NELL1: variants seen among roughly 807,000 people sequenced by gnomAD.
The protein encoded by NELL1 is protein kinase C-binding protein NELL1.
In NELL1, 76 loss-of-function variants were observed where a neutral mutation model predicts 107.4. The observed-to-expected ratio is 0.71, with a 90% CI of 0.59 to 0.86. The LOEUF is 0.86. NELL1 is among the 40% of genes least tolerant of loss of function. NELL1 has a pLI of 0.00. For synonymous variants in NELL1, 353 were observed against 341.2 expected (o/e 1.03, Z -0.38); for missense variants, 1,024 against 1,005.5 (o/e 1.02, Z -0.25).
intron 12 of NELL1, among the ~76,000 whole-genome samples, chr11:21,025,818 A>G (rs559020220): frequency 1.2e-4 from 19 of 152,148 alleles, no homozygotes; most frequent in Non-Finnish European, 2.4e-4. Flanking sequence ...TCCCAAAATG[A>G]GCTCCAGTTA....
chr11:20,940,172 C>G (rs1850818495), intron 10 of NELL1, among the ~76,000 whole-genome samples: 1 of 151,892 alleles, frequency 6.6e-6, no homozygotes, highest in South Asian at 2.1e-4. Context: ...TCTCTCCCTC[C>G]CTTCCTCCCT....
intron 15 of NELL1, among the ~76,000 whole-genome samples, chr11:21,400,950 A>G (rs1321482667): frequency 6.6e-6 from 1 of 151,918 alleles, no homozygotes; most frequent in Non-Finnish European, 1.5e-5. Context: ...GGCCTGTGTC[A>G]GTTACACAGA....
chr11:20,677,914 C>A lies in NELL1; in HGVS notation c.56-18C>A. ...CAGTCTGCATTTTAAGCCCAAACAA[C>A]TCTTTGTTCCTTTCCAGTGGTGGGC... On this transcript the variant is annotated intron_variant, in intron 1 of 19. Coordinates refer to ENST00000357134, the MANE Select transcript of NELL1 (RefSeq NM_006157.5). 6.2e-7 allele frequency: 1 copy of A among 1,613,688 alleles called. No homozygotes were observed. The highest frequency in any genetic ancestry group is 8.5e-7 in the Non-Finnish European group (1 of 1,179,630).
intron 15 of NELL1, among the ~76,000 whole-genome samples, chr11:21,449,362 A>G (rs1853522153): frequency 6.6e-6 from 1 of 152,154 alleles, no homozygotes; most frequent in African/African-American, 2.4e-5. Context: ...CCATATGTCT[A>G]ATATTATAAA....
At chr11:20,763,917 A>G (rs539717927) in intron 2 of NELL1, among the ~76,000 whole-genome samples, 1 of 152,322 alleles carries the variant, frequency 6.6e-6, no homozygotes, top group South Asian at 2.1e-4. Flanking sequence ...CCAGGTGCAT[A>G]GGGGGCCAGC....
In NELL1 at chr11:20,786,791, A is replaced by G. The variant is rs147262255; in HGVS notation, c.335+2961A>G. ...TGGGAGGCCAAGGTGGGCATATCAC[A>G]AGGTCAGGAGATCGAGACCATCCTG... On this transcript the variant is annotated intron_variant, in intron 3 of 19. Transcript: ENST00000357134. Among the ~76,000 whole-genome samples, 1,430 of 151,856 alleles carry G rather than the reference A, an allele frequency of 9.4e-3. 12 individuals carry two copies. The highest frequency in any genetic ancestry group is 0.036 in the East Asian group (183 of 5,108).
chr11:20,993,914 A>T (rs1852034101), intron 12 of NELL1, among the ~76,000 whole-genome samples: 1 of 150,912 alleles, frequency 6.6e-6, no homozygotes, highest in African/African-American at 2.4e-5. Context: ...AAAAAAAATC[A>T]GTACGAATCA....
chr11:21,110,279 C>G (rs1333691502), intron 12 of NELL1, among the ~76,000 whole-genome samples: 2 of 152,138 alleles, frequency 1.3e-5, no homozygotes, highest in African/African-American at 2.4e-5. Flanking sequence ...TACTCAAAAA[C>G]ACATCAGCAG....
At chr11:21,075,344 A>G (rs1854109446) in intron 12 of NELL1, among the ~76,000 whole-genome samples, 1 of 152,090 alleles carries the variant, frequency 6.6e-6, no homozygotes, top group African/African-American at 2.4e-5. Flanking sequence ...AAGTACATAT[A>G]TTGCTACACT....
chr11:21,305,262 C>G (rs1304579948), intron 14 of NELL1, among the ~76,000 whole-genome samples: 1 of 151,984 alleles, frequency 6.6e-6, no homozygotes, highest in Non-Finnish European at 1.5e-5. Context: ...ATATTGTACT[C>G]TGAGCTCAGT....
At chr11:21,267,999 T>TA (rs573794746) in intron 14 of NELL1, among the ~76,000 whole-genome samples, 20 of 152,178 alleles carry the variant, frequency 1.3e-4, no homozygotes, top group Non-Finnish European at 2.1e-4. Context: ...GTCTTGTTTT[T>TA]AATCTATTTA....
chr11:21,390,096 T>C (rs1051746962), intron 15 of NELL1, among the ~76,000 whole-genome samples: 1 of 151,804 alleles, frequency 6.6e-6, no homozygotes, highest in African/African-American at 2.4e-5. Flanking sequence ...ATTTTAGCCA[T>C]ACTGGTAGTG....
chr11:20,917,713 A>G (rs570699663), intron 5 of NELL1, among the ~76,000 whole-genome samples: 1 of 152,084 alleles, frequency 6.6e-6, no homozygotes, highest in Admixed American at 6.6e-5. Context: ...ATGTTACTCA[A>G]TTAGTTGAAG....
intron 13 of NELL1, among the ~76,000 whole-genome samples, chr11:21,225,863 C>A (rs146615512): frequency 1.3e-5 from 2 of 152,174 alleles, no homozygotes; most frequent in African/African-American, 2.4e-5. Flanking sequence ...TAATTTAATT[C>A]TCAAAACAAT....
At chr11:20,874,841 G>T (rs1238142075) in intron 4 of NELL1, among the ~76,000 whole-genome samples, 1 of 152,186 alleles carries the variant, frequency 6.6e-6, no homozygotes, top group Non-Finnish European at 1.5e-5. Flanking sequence ...CACAGAGCAA[G>T]TTCAATTCCT....
chr11:20,809,648 T>C (rs549681174), intron 3 of NELL1, among the ~76,000 whole-genome samples: 5 of 152,330 alleles, frequency 3.3e-5, no homozygotes, highest in African/African-American at 1.2e-4. Flanking sequence ...ACCAGGCTTA[T>C]TTCACTTAAT....
intron 3 of NELL1, among the ~76,000 whole-genome samples, chr11:20,845,030 G>A (rs1195903812): frequency 6.6e-6 from 1 of 152,196 alleles, no homozygotes; most frequent in African/African-American, 2.4e-5. Context: ...CCTCATGAAA[G>A]AATTTTATCC....
chr11:20,799,197 G>A (rs1857233073), intron 3 of NELL1, among the ~76,000 whole-genome samples: 1 of 152,222 alleles, frequency 6.6e-6, no homozygotes, highest in South Asian at 2.1e-4. Flanking sequence ...AGTTTGGTAT[G>A]TTTAGGAGAC....
At chr11:21,263,727 C>A (rs998318319) in intron 14 of NELL1, among the ~76,000 whole-genome samples, 16 of 151,828 alleles carry the variant, frequency 1.1e-4, no homozygotes, top group African/African-American at 3.9e-4. Flanking sequence ...AATTCCTGAG[C>A]CTCTTAAATC....
Sources: allele counts gnomAD v4.1 joint callset (sites outside exome capture counted in the v4.1 genomes callset), GRCh38; gene constraint gnomAD v4.1.1; transcripts MANE v1.5; gene names NCBI Gene and HGNC (gene_info 2026-07-23, HGNC 2026-07-21).